Variants in SHROOM3 observed in about 807,000 individuals in gnomAD.
The protein encoded by SHROOM3 is shroom family member 3.
A neutral mutation model predicts 138.6 loss-of-function variants in SHROOM3; 47 were observed. The ratio of observed to expected loss-of-function variants is 0.34; its 90% CI spans 0.27 to 0.43. The LOEUF is 0.43. Among genes scored for constraint, SHROOM3 ranks in the 20% least tolerant of loss-of-function variants. SHROOM3 has a pLI of 1.00. For missense variants in SHROOM3, 2,491 were observed against 2,596.5 expected, an observed-to-expected ratio of 0.96 and a Z score of 0.88; for synonymous variants, 1,062 against 1,063.3, an observed-to-expected ratio of 1.00 and a Z score of 0.02.
intron 2 of SHROOM3, among the ~76,000 whole-genome samples, chr4:76,591,103 T>C (rs1299680991): frequency 1.3e-5 from 2 of 152,210 alleles, no homozygotes; most frequent in Non-Finnish European, 2.9e-5. Flanking sequence ...ACTGAGGTTT[T>C]TCCTCAGGAT....
chr4:76,449,142 C>T (rs1730871076), intron 1 of SHROOM3, among the ~76,000 whole-genome samples: 1 of 152,138 alleles, frequency 6.6e-6, no homozygotes, highest in African/African-American at 2.4e-5. Flanking sequence ...GAGTAGGATC[C>T]ACTCTCTTGT....
At chr4:76,515,491 C>CT (rs1164374286) in intron 1 of SHROOM3, among the ~76,000 whole-genome samples, 3 of 152,056 alleles carry the variant, frequency 2.0e-5, no homozygotes, top group Non-Finnish European at 4.4e-5. Context: ...CTGAGATTCC[C>CT]TTGGGCTCTG....
chr4:76,465,822 A>C lies in SHROOM3; in HGVS notation c.168+29602A>C, dbSNP rs138358761. Among the ~76,000 whole-genome samples, 480 of 152,306 alleles carry C rather than the reference A, an allele frequency of 3.2e-3. 3 individuals carry two copies. Among genetic ancestry groups the C allele is most frequent in the African/African-American group, 0.011 (454 of 41,568 alleles). On this transcript the variant is annotated intron_variant, in intron 1 of 10. Coordinates refer to ENST00000296043, the MANE Select transcript of SHROOM3 (RefSeq NM_020859.4). ...AGATTGCTGGGCCTTGGGAAAGCATAATTTCACTTGTTCCTAATAACTGAA... is the reference window on the plus strand; with the variant it reads ...AGATTGCTGGGCCTTGGGAAAGCATCATTTCACTTGTTCCTAATAACTGAA...
intron 1 of SHROOM3, 42 bp from the exon 2 acceptor site, chr4:76,555,567 G>T: frequency 6.2e-7 from 1 of 1,611,216 alleles, no homozygotes; most frequent in Non-Finnish European, 8.5e-7. Context: ...CCAGGCCAGG[G>T]GAAAGCTCAC....
At position 76,554,767 on chromosome 4, in the gene SHROOM3, G is replaced by A. The variant is rs549744427; in HGVS notation, c.169-842G>A. Among the ~76,000 whole-genome samples the A allele has an allele frequency of 9.2e-5, 14 of 152,144 alleles. No individual in the cohort carries two copies. The South Asian group carries it at 1.5e-3, about 16-fold the overall frequency. ...AACCCGTCCCCAACCCCCAGGCCAC[G>A]GACCATTACAGTGGTCTGTTAGCAA... On this transcript the variant is annotated intron_variant, in intron 1 of 10. Transcript: ENST00000296043.
intron 2 of SHROOM3, among the ~76,000 whole-genome samples, chr4:76,566,040 T>C (rs928973323): frequency 2.7e-5 from 4 of 149,554 alleles, no homozygotes; most frequent in African/African-American, 5.0e-5. Context: ...AGCCAGGAGA[T>C]TGAAGCTGCA....
chr4:76,560,439 C>T (rs1235969412), intron 2 of SHROOM3, among the ~76,000 whole-genome samples: 1 of 152,172 alleles, frequency 6.6e-6, no homozygotes, highest in Non-Finnish European at 1.5e-5. Flanking sequence ...GACTCAGACT[C>T]CTATCCTGAA....
chr4:76,772,811 A>G (rs1417076348), intron 10 of SHROOM3, among the ~76,000 whole-genome samples: 2 of 152,154 alleles, frequency 1.3e-5, no homozygotes, highest in African/African-American at 4.8e-5. Context: ...TGGAGGAGCA[A>G]TTGTGTGCTG....
In SHROOM3 at chr4:76,779,033, C is replaced by A; in HGVS notation, c.5847C>A (p.Val1949=). 6.2e-7 allele frequency: 1 copy of A among 1,614,190 alleles called. No homozygotes were observed. Among genetic ancestry groups the A allele is most frequent in the Non-Finnish European group, 8.5e-7 (1 of 1,180,042 alleles). The change falls in exon 11 of 11, where the codon GTC becomes GTA. Residue 1949 remains valine, a synonymous_variant. Coordinates refer to ENST00000296043, the MANE Select transcript of SHROOM3 (RefSeq NM_020859.4). ...AGATCAAGCTGGGCCAGGAGCAGGT[C>A]AAGTGTCTGCTGGAGAGCCTGCCCT... ...DDKIKLGQEQ[V]KCLLESLPSD...
At chr4:76,613,153 C>T (rs781738543) in intron 2 of SHROOM3, among the ~76,000 whole-genome samples, 15 of 152,246 alleles carry the variant, frequency 9.9e-5, no homozygotes, top group Non-Finnish European at 2.1e-4. Flanking sequence ...GGTGGTTCAG[C>T]GTTCCTCCTC....
At chr4:76,528,512 C>T (rs1343980152) in intron 1 of SHROOM3, among the ~76,000 whole-genome samples, 1 of 147,148 alleles carries the variant, frequency 6.8e-6, no homozygotes, top group African/African-American at 2.5e-5. Context: ...AATTCTTAGT[C>T]AATATAGGAC....
rs1721188852 is a variant in SHROOM3, at chr4:76,739,863, G to A, written c.1690G>A (p.Glu564Lys). 6.2e-7 allele frequency: 1 copy of A among 1,614,068 alleles called. No individual in the cohort carries two copies. The highest frequency in any genetic ancestry group is 8.5e-7 in the Non-Finnish European group (1 of 1,180,056). ...CAAAGTCCATTTCTGTTCAGTGCCT[G>A]AAAATGAGGAGGATGCCTCCCTGAA... The part of the protein sequence containing the change: ...PSKVHFCSVP[E>K]NEEDASLKRH... The change falls in exon 5 of 11, where the codon GAA becomes AAA. Residue 564 changes from glutamate (E) to lysine (K), a missense_variant. Physicochemically the swap from Glu to Lys is moderately conservative, Grantham distance 56. Transcript: ENST00000296043.
chr4:76,458,505 G>A (rs753184798), intron 1 of SHROOM3, among the ~76,000 whole-genome samples: 1 of 152,034 alleles, frequency 6.6e-6, no homozygotes, highest in African/African-American at 2.4e-5. Flanking sequence ...ATCTGGTTCC[G>A]GAACTTTTTC....
At chr4:76,636,298 A>T (rs1735492042) in intron 2 of SHROOM3, among the ~76,000 whole-genome samples, 1 of 152,224 alleles carries the variant, frequency 6.6e-6, no homozygotes, top group Admixed American at 6.5e-5. Flanking sequence ...TGATGGAAAG[A>T]CATACACACA....
At chr4:76,774,022 C>T (rs954587992) in intron 10 of SHROOM3, among the ~76,000 whole-genome samples, 13 of 152,064 alleles carry the variant, frequency 8.5e-5, no homozygotes, top group African/African-American at 3.1e-4. Context: ...TTTTAATAGT[C>T]TAAACAAGGA....
intron 2 of SHROOM3, among the ~76,000 whole-genome samples, chr4:76,658,556 C>T (rs914220223): frequency 5.3e-5 from 8 of 152,176 alleles, no homozygotes; most frequent in Admixed American, 4.6e-4. Context: ...CAGAACCTCA[C>T]TGTCAAGTGA....
intron 2 of SHROOM3, among the ~76,000 whole-genome samples, chr4:76,705,385 T>A (rs1207505690): frequency 6.6e-6 from 1 of 152,012 alleles, no homozygotes; most frequent in African/African-American, 2.4e-5. Flanking sequence ...TGATCCCAGA[T>A]ACTTGGGAGG....
intron 1 of SHROOM3, among the ~76,000 whole-genome samples, chr4:76,488,009 A>G (rs1002911656): frequency 1.3e-5 from 2 of 152,192 alleles, no homozygotes; most frequent in African/African-American, 4.8e-5. Context: ...CTTGGTTTCT[A>G]TGTCCCTTGT....
At chr4:76,599,083 G>A (rs1177798052) in intron 2 of SHROOM3, among the ~76,000 whole-genome samples, 2 of 152,156 alleles carry the variant, frequency 1.3e-5, no homozygotes, top group Non-Finnish European at 2.9e-5. Flanking sequence ...GCAAGGCGAG[G>A]AGGATGACTC....
Sources: gnomAD v4.1 joint callset for allele counts (sites outside exome capture counted in the v4.1 genomes callset) on GRCh38, gnomAD v4.1.1 for gene constraint, MANE v1.5 for transcripts, NCBI Gene and HGNC (gene_info 2026-07-23, HGNC 2026-07-21) for gene names.